KCNIP4: variants seen among roughly 807,000 people sequenced by gnomAD.
KCNIP4 encodes the protein Kv channel-interacting protein 4.
In KCNIP4, 12 loss-of-function variants were observed where a neutral mutation model predicts 34.0. The observed-to-expected ratio is 0.35, with a 90% CI of 0.23 to 0.57. KCNIP4 has a LOEUF of 0.57. Among genes scored for constraint, KCNIP4 ranks in the 20% least tolerant of loss-of-function variants. The probability of loss-of-function intolerance (pLI) is 0.83; values close to 1 mark genes in which losing one functional copy is unlikely to be tolerated. For missense variants in KCNIP4, 238 were observed against 311.7 expected (o/e 0.76, Z 1.78); for synonymous variants, 124 against 102.2 (o/e 1.21, Z -1.29).
intron 1 of KCNIP4, among the ~76,000 whole-genome samples, chr4:21,103,735 TC>T (rs1748188694): frequency 4.1e-5 from 2 of 48,898 alleles, no homozygotes; most frequent in Admixed American, 5.0e-4. Flanking sequence ...CCCTCCCCCC[TC>T]CCCCCACCAC....
chr4:21,922,604 A>C (rs1728997066), intron 1 of KCNIP4, among the ~76,000 whole-genome samples: 1 of 152,200 alleles, frequency 6.6e-6, no homozygotes, highest in South Asian at 2.1e-4. Flanking sequence ...ACAAAGAAAA[A>C]TGAGACAGCA....
intron 1 of KCNIP4, among the ~76,000 whole-genome samples, chr4:21,450,546 A>G (rs1054016141): frequency 6.6e-6 from 1 of 152,156 alleles, no homozygotes; most frequent in Non-Finnish European, 1.5e-5. Flanking sequence ...CCATGAAAAA[A>G]GATGACGAAG....
At chr4:21,115,735 C>T (rs1400928276) in intron 1 of KCNIP4, among the ~76,000 whole-genome samples, 1 of 151,976 alleles carries the variant, frequency 6.6e-6, no homozygotes, top group Admixed American at 6.6e-5. Context: ...GAAAAGCAAA[C>T]CTTAGTAAAG....
chr4:20,974,036 C>T (rs1346671514), intron 1 of KCNIP4, among the ~76,000 whole-genome samples: 1 of 152,098 alleles, frequency 6.6e-6, no homozygotes, highest in Non-Finnish European at 1.5e-5. Flanking sequence ...ACAAACTGAG[C>T]ACATGCTGTT....
chr4:21,781,561 A>G (rs573800236), intron 1 of KCNIP4, among the ~76,000 whole-genome samples: 1 of 152,342 alleles, frequency 6.6e-6, no homozygotes, highest in South Asian at 2.1e-4. Flanking sequence ...CAGCAGACCT[A>G]GACCAAAAGA....
intron 5 of KCNIP4, among the ~76,000 whole-genome samples, chr4:20,741,107 C>T (rs1402746117): frequency 6.6e-6 from 1 of 152,096 alleles, no homozygotes; most frequent in African/African-American, 2.4e-5. Context: ...CTTAGACTCC[C>T]ACACAATAAT....
At chr4:20,799,506 C>T (rs1202477034) in intron 3 of KCNIP4, among the ~76,000 whole-genome samples, 2 of 152,182 alleles carry the variant, frequency 1.3e-5, no homozygotes, top group African/African-American at 4.8e-5. Context: ...CAAAGAGCCA[C>T]AGTTCCTGCA....
In KCNIP4 at chr4:21,911,655, C is replaced by CACAGAG. The variant is rs1553832675; in HGVS notation, c.61+36915_61+36916insCTCTGT. ...ACACACACACACACACACACACACA[C>CACAGAG]AGAGTCTGGTATTGGTGATGTACCT... On this transcript the variant is annotated intron_variant, in intron 1 of 8. Coordinates refer to ENST00000382152, the MANE Select transcript of KCNIP4 (RefSeq NM_025221.6). 1.7e-3 allele frequency among the ~76,000 whole-genome samples: 232 copies of CACAGAG among 137,190 alleles called. 1 individual carries two copies. The highest frequency in any genetic ancestry group is 5.8e-3 in the African/African-American group (208 of 35,938). The allele number at this position is 137,190 out of a possible 152,430, so 90.0% of individuals were successfully genotyped here.
At chr4:21,193,194 T>A (rs1168641728) in intron 1 of KCNIP4, among the ~76,000 whole-genome samples, 2 of 152,056 alleles carry the variant, frequency 1.3e-5, no homozygotes, top group African/African-American at 4.8e-5. Context: ...TAGGAGGCCC[T>A]ACAAAATGGC....
chr4:21,184,371 T>C (rs916571377), intron 1 of KCNIP4, among the ~76,000 whole-genome samples: 2 of 152,216 alleles, frequency 1.3e-5, no homozygotes, highest in African/African-American at 4.8e-5. Flanking sequence ...TTCTCTAGCA[T>C]CTAGCATAGT....
In KCNIP4 at chr4:21,837,293, G is replaced by C. The variant is rs568260630; in HGVS notation, c.61+111278C>G. On this transcript the variant is annotated intron_variant, in intron 1 of 8. Coordinates refer to ENST00000382152, the MANE Select transcript of KCNIP4 (RefSeq NM_025221.6). ...TCACGCCTGTAATCCCAGCACTTTGGGGGGCCAAGGTGGGTGGATCACCTG... is the reference window on the plus strand; with the variant it reads ...TCACGCCTGTAATCCCAGCACTTTGCGGGGCCAAGGTGGGTGGATCACCTG... Among the ~76,000 whole-genome samples the C allele has an allele frequency of 4.6e-5, 7 of 150,580 alleles. No individual in the cohort carries two copies. In the East Asian group the frequency reaches 1.2e-3, roughly 26 times the overall value.
intron 1 of KCNIP4, among the ~76,000 whole-genome samples, chr4:20,893,190 G>A (rs1726124137): frequency 6.6e-6 from 1 of 152,162 alleles, no homozygotes; most frequent in East Asian, 1.9e-4. Flanking sequence ...TCATTGCACT[G>A]TAAACAATGT....
In KCNIP4 at chr4:21,262,540, T is replaced by C. The variant is rs1035406306; in HGVS notation, c.62-379831A>G. ...TGGATTTAGCTCTGCAATTGAAATG[T>C]ACTTCCCTTACATCTTCCCTGCAGG... On this transcript the variant is annotated intron_variant, in intron 1 of 8. Coordinates refer to ENST00000382152, the MANE Select transcript of KCNIP4 (RefSeq NM_025221.6). 2.0e-5 allele frequency among the ~76,000 whole-genome samples: 3 copies of C among 152,334 alleles called. No homozygotes were observed. The East Asian group carries it at 5.8e-4, about 29-fold the overall frequency.
At chr4:21,319,356 C>A (rs1448934517) in intron 1 of KCNIP4, among the ~76,000 whole-genome samples, 2 of 152,210 alleles carry the variant, frequency 1.3e-5, no homozygotes, top group Non-Finnish European at 2.9e-5. Context: ...TGAACCTTGC[C>A]TTCAGCCTTG....
At chr4:20,805,630 T>A (rs1714982965) in intron 3 of KCNIP4, among the ~76,000 whole-genome samples, 1 of 152,154 alleles carries the variant, frequency 6.6e-6, no homozygotes, top group Non-Finnish European at 1.5e-5. Flanking sequence ...AGAAATTTTT[T>A]CCTTCAGTTT....
At chr4:20,770,583 T>A (rs1038433666) in intron 3 of KCNIP4, among the ~76,000 whole-genome samples, 2 of 152,026 alleles carry the variant, frequency 1.3e-5, no homozygotes, top group Non-Finnish European at 2.9e-5. Context: ...AGCTGCAGCA[T>A]GCACAGATTC....
chr4:21,463,967 C>G (rs1291263631), intron 1 of KCNIP4, among the ~76,000 whole-genome samples: 1 of 151,994 alleles, frequency 6.6e-6, no homozygotes, highest in East Asian at 1.9e-4. Flanking sequence ...AGAAATTTGT[C>G]ATGTCATCTA....
intron 1 of KCNIP4, among the ~76,000 whole-genome samples, chr4:21,685,554 A>G (rs1223482034): frequency 6.6e-6 from 1 of 152,192 alleles, no homozygotes; most frequent in Admixed American, 6.5e-5. Flanking sequence ...GTGGAATGGG[A>G]GAGTAATAAT....
intron 1 of KCNIP4, among the ~76,000 whole-genome samples, chr4:21,315,624 A>T (rs1445946995): frequency 1.3e-5 from 2 of 152,172 alleles, no homozygotes; most frequent in African/African-American, 4.8e-5. Context: ...CCAAATCGAC[A>T]TTAAATAAAT....
Sources: allele counts gnomAD v4.1 joint callset (sites outside exome capture counted in the v4.1 genomes callset), GRCh38; gene constraint gnomAD v4.1.1; transcripts MANE v1.5; gene names NCBI Gene and HGNC (gene_info 2026-07-23, HGNC 2026-07-21).